The following LPP variants were observed in gnomAD, a reference collection of about 807,000 sequenced individuals.
The protein encoded by LPP is LIM domain containing preferred translocation partner in lipoma.
In LPP, 38 loss-of-function variants were observed where a neutral mutation model predicts 60.4. The observed-to-expected ratio is 0.63, with a 90% CI of 0.49 to 0.83. LPP has a LOEUF of 0.83. Among genes scored for constraint, LPP ranks in the 40% least tolerant of loss-of-function variants. The pLI, the probability that LPP is intolerant of heterozygous loss-of-function variation, is 0.00. For missense variants in LPP, 902 were observed against 783.6 expected (o/e 1.15, Z -1.80); for synonymous variants, 328 against 290.8 (o/e 1.13, Z -1.30).
chr3:188,472,142 TC>T (rs1201990104), intron 4 of LPP, among the ~76,000 whole-genome samples: 3 of 152,190 alleles, frequency 2.0e-5, no homozygotes, highest in Non-Finnish European at 4.4e-5. Context: ...AAAGAGTGAA[TC>T]CTGAATAATT....
At chr3:188,671,985 C>G (rs1156887332) in intron 7 of LPP, among the ~76,000 whole-genome samples, 1 of 152,162 alleles carries the variant, frequency 6.6e-6, no homozygotes, top group Non-Finnish European at 1.5e-5. Context: ...AAAGCTGCCA[C>G]TGAAGGGCAA....
intron 7 of LPP, among the ~76,000 whole-genome samples, chr3:188,699,235 T>A (rs1168130413): frequency 6.6e-6 from 1 of 152,150 alleles, no homozygotes; most frequent in Non-Finnish European, 1.5e-5. Flanking sequence ...CTATTATAGC[T>A]GCCTTGACAC....
At chr3:188,758,767 A>G (rs1731190584) in intron 8 of LPP, 1 of 152,208 alleles carries the variant, frequency 6.6e-6, no homozygotes, top group South Asian at 2.1e-4. Context: ...AACTGGGAAT[A>G]GGTAATATAG....
intron 1 of LPP, among the ~76,000 whole-genome samples, chr3:188,207,894 G>A (rs941233228): frequency 3.3e-5 from 5 of 152,084 alleles, no homozygotes; most frequent in African/African-American, 1.2e-4. Flanking sequence ...ACAACATCTT[G>A]TCCTTCAATT....
intron 10 of LPP, among the ~76,000 whole-genome samples, chr3:188,871,987 T>C (rs904656940): frequency 1.3e-5 from 2 of 152,230 alleles, no homozygotes; most frequent in African/African-American, 4.8e-5. Flanking sequence ...CTTTAAAGAA[T>C]AAAGAATTTG....
At chr3:188,529,118 T>G (rs1056760980) in intron 6 of LPP, among the ~76,000 whole-genome samples, 1 of 152,222 alleles carries the variant, frequency 6.6e-6, no homozygotes, top group Non-Finnish European at 1.5e-5. Flanking sequence ...TTATCTTCCC[T>G]CTGGTGGAAC....
At chr3:188,857,394 A>G (rs571831347) in intron 9 of LPP, among the ~76,000 whole-genome samples, 2 of 152,222 alleles carry the variant, frequency 1.3e-5, no homozygotes, top group African/African-American at 2.4e-5. Context: ...TTTGTACTTT[A>G]GAAAACACAG....
rs568828105 is a variant in LPP, at chr3:188,425,076, T to A, written c.193+18763T>A. ...TGCCCATTTAGTATGATATTGGCTG[T>A]GGGTTTGTCATAAATAGCTCTTATT... On this transcript the variant is annotated intron_variant, in intron 4 of 11. Transcript: ENST00000617246. Among the ~76,000 whole-genome samples the A allele has an allele frequency of 2.6e-4, 39 of 152,304 alleles. No homozygotes were observed. In the East Asian group the frequency reaches 5.6e-3, roughly 22 times the overall value.
intron 2 of LPP, among the ~76,000 whole-genome samples, chr3:188,245,425 G>A (rs560539340): frequency 3.3e-5 from 5 of 152,178 alleles, no homozygotes; most frequent in Admixed American, 2.6e-4. Context: ...GGCAGGGATG[G>A]TATTTTCTTA....
At chr3:188,169,919 G>T (rs1344749740) in intron 1 of LPP, among the ~76,000 whole-genome samples, 1 of 152,214 alleles carries the variant, frequency 6.6e-6, no homozygotes, top group Admixed American at 6.5e-5. Flanking sequence ...CTTTTAACTG[G>T]AGTGGAGGGT....
chr3:188,576,040 G>A (rs1190972584), intron 6 of LPP, among the ~76,000 whole-genome samples: 1 of 152,108 alleles, frequency 6.6e-6, no homozygotes. Flanking sequence ...AGCACACAAG[G>A]TCCACTGATT....
chr3:188,512,021 C>T (rs1428143187), intron 5 of LPP, among the ~76,000 whole-genome samples: 1 of 152,122 alleles, frequency 6.6e-6, no homozygotes, highest in Admixed American at 6.6e-5. Context: ...AAGTTTTAGT[C>T]CTACTTCAGC....
At chr3:188,468,562 T>C (rs764388235) in intron 4 of LPP, among the ~76,000 whole-genome samples, 4 of 152,146 alleles carry the variant, frequency 2.6e-5, no homozygotes, top group African/African-American at 4.8e-5. Context: ...TTGTGCCGTG[T>C]CAGTTAAGCC....
chr3:188,636,635 C>A lies in LPP; in HGVS notation c.1113+26791C>A, dbSNP rs945844917. Among the ~76,000 whole-genome samples, 9 of 152,292 alleles carry A rather than the reference C, an allele frequency of 5.9e-5. No homozygotes were observed. The South Asian group carries it at 1.0e-3, about 18-fold the overall frequency. ...CAGACAAACAAAAAGACAGCAGTAACCTCTGCAGACTTAAATGTCCCTGTC... is the reference window on the plus strand; with the variant it reads ...CAGACAAACAAAAAGACAGCAGTAAACTCTGCAGACTTAAATGTCCCTGTC... On this transcript the variant is annotated intron_variant, in intron 7 of 11. Coordinates refer to ENST00000617246, the MANE Select transcript of LPP (RefSeq NM_001375462.1).
intron 7 of LPP, among the ~76,000 whole-genome samples, chr3:188,701,133 G>A (rs570524279): frequency 6.6e-6 from 1 of 152,282 alleles, no homozygotes; most frequent in Admixed American, 6.5e-5. Flanking sequence ...ATACTGTTAT[G>A]TATGTTATTC....
intron 3 of LPP, among the ~76,000 whole-genome samples, chr3:188,370,839 C>T (rs1772830610): frequency 6.6e-6 from 1 of 152,138 alleles, no homozygotes; most frequent in Non-Finnish European, 1.5e-5. Context: ...GGCATATGGA[C>T]CCTGATTTTT....
chr3:188,425,851 T>C (rs1789167465), intron 4 of LPP, among the ~76,000 whole-genome samples: 1 of 152,196 alleles, frequency 6.6e-6, no homozygotes, highest in Non-Finnish European at 1.5e-5. Context: ...TCTTCTTTAT[T>C]AGCCTGGCTA....
Position 188,406,107 on chromosome 3 carries a change from T to A in LPP, c.-9-5T>A. 6.2e-7 allele frequency: 1 copy of A among 1,605,768 alleles called. No homozygotes were observed. The highest frequency in any genetic ancestry group is 8.5e-7 in the Non-Finnish European group (1 of 1,176,132). On this transcript the variant is annotated splice_region_variant and splice_polypyrimidine_tract_variant and intron_variant, in intron 3 of 11. Coordinates refer to ENST00000617246, the MANE Select transcript of LPP (RefSeq NM_001375462.1). The stretch of plus-strand genomic sequence containing the variant: ...CATAAAAACAGTGTTTCTTTTTCAT[T>A]GCAGATTCCAACAATGTCTCACCCA...
At chr3:188,269,644 TATGTG>T (rs774601491) in intron 2 of LPP, among the ~76,000 whole-genome samples, 16 of 31,434 alleles carry the variant, frequency 5.1e-4, no homozygotes, top group African/African-American at 7.9e-4. Flanking sequence ...CCTTTTTTTT[TATGTG>T]TGTGTGTGTG....
Sources: gnomAD v4.1 joint callset for allele counts (sites outside exome capture counted in the v4.1 genomes callset) on GRCh38, gnomAD v4.1.1 for gene constraint, MANE v1.5 for transcripts, NCBI Gene and HGNC (gene_info 2026-07-23, HGNC 2026-07-21) for gene names.